USP10: variants seen among roughly 807,000 people sequenced by gnomAD.
USP10 encodes the protein ubiquitin carboxyl-terminal hydrolase 10.
USP10 carries 22 observed loss-of-function variants against 84.5 expected under a neutral mutation model. The ratio of observed to expected loss-of-function variants is 0.26; its 90% CI spans 0.19 to 0.37. The LOEUF (loss-of-function observed/expected upper bound fraction) is 0.37. Ranked by LOEUF, USP10 falls within the 10% of genes least tolerant of loss-of-function variation. The probability of loss-of-function intolerance (pLI) is 1.00; values close to 1 mark genes in which losing one functional copy is unlikely to be tolerated. For synonymous variants in USP10, 454 were observed against 387.6 expected (o/e 1.17, Z -2.01); for missense variants, 1,019 against 998.9 (o/e 1.02, Z -0.27).
chr16:84,777,457 C>T (rs1056187654), intron 13 of USP10, among the ~76,000 whole-genome samples: 2 of 152,216 alleles, frequency 1.3e-5, no homozygotes, highest in African/African-American at 4.8e-5. Context: ...GGACATGCTG[C>T]TGTCATGGGT....
chr16:84,714,688 A>G (rs1484863500), intron 1 of USP10, among the ~76,000 whole-genome samples: 8 of 152,058 alleles, frequency 5.3e-5, no homozygotes, highest in Non-Finnish European at 1.5e-5. Flanking sequence ...TTACTTGTGA[A>G]TTTATCTTAT....
chr16:84,779,320 C>T lies in USP10; in HGVS notation c.*238C>T, dbSNP rs187725107. 386 of 388,150 alleles carry T rather than the reference C, an allele frequency of 9.9e-4. 2 individuals are homozygous for T. The highest frequency in any genetic ancestry group is 1.9e-4 in the Non-Finnish European group (42 of 217,096). 24.0% of individuals were successfully genotyped at this position (388,150 alleles called of 1,614,324 possible). A position where few individuals can be genotyped will look rare whatever the true frequency, so the allele number is the denominator to read the frequency against. On this transcript the variant is annotated 3_prime_UTR_variant, in exon 14 of 14. Transcript: ENST00000219473. ...CTGTTGCTTGATTTTAGAAAATACA[C>T]AAAAACCCATATTTCTGAAATAATG...
At chr16:84,764,664 C>G (rs551137449) in intron 10 of USP10, among the ~76,000 whole-genome samples, 2 of 152,174 alleles carry the variant, frequency 1.3e-5, no homozygotes, top group Admixed American at 6.5e-5. Flanking sequence ...AACCCCGTCT[C>G]TACTAAAAAT....
intron 4 of USP10, among the ~76,000 whole-genome samples, chr16:84,749,533 A>G (rs1239333307): frequency 2.6e-5 from 4 of 151,894 alleles, no homozygotes; most frequent in Non-Finnish European, 5.9e-5. Context: ...TGAGCCCGGG[A>G]GTTCGAGGCC....
chr16:84,702,919 G>T (rs1905072538), intron 1 of USP10, among the ~76,000 whole-genome samples: 1 of 147,560 alleles, frequency 6.8e-6, no homozygotes, highest in Non-Finnish European at 1.5e-5. Context: ...CTTGAACCCG[G>T]GAGGCGGAGG....
chr16:84,745,987 A>T (rs527481423), intron 4 of USP10, among the ~76,000 whole-genome samples: 4 of 152,164 alleles, frequency 2.6e-5, no homozygotes, highest in African/African-American at 9.7e-5. Context: ...TGTATAATGG[A>T]CTTTTTCTGT....
chr16:84,736,847 G>A (rs1567614301), intron 2 of USP10, among the ~76,000 whole-genome samples: 1 of 152,166 alleles, frequency 6.6e-6, no homozygotes, highest in Non-Finnish European at 1.5e-5. Context: ...GGACTGCAGG[G>A]GCGTGATCTC....
intron 12 of USP10, 124 bp from the exon 13 acceptor site, chr16:84,775,036 G>A (rs1914852422): frequency 1.2e-5 from 10 of 806,498 alleles, no homozygotes; most frequent in Non-Finnish European, 2.1e-5. Context: ...GGGATAGAGT[G>A]TTGTTTTGTT....
At chr16:84,720,942 G>A (rs930585908) in intron 1 of USP10, among the ~76,000 whole-genome samples, 1 of 148,050 alleles carries the variant, frequency 6.8e-6, no homozygotes, top group Non-Finnish European at 1.5e-5. Context: ...TGCCCAGGCT[G>A]GAGTGCAGTG....
At chr16:84,704,767 A>G in intron 1 of USP10, 22 of 1,535,234 alleles carry the variant, frequency 1.4e-5, no homozygotes, top group Non-Finnish European at 1.9e-5. Context: ...CATTTTCATC[A>G]GATGACTTGA....
rs1346157627 is a variant in USP10, at chr16:84,768,260, G to T, written c.1900G>T (p.Asp634Tyr). 1.2e-6 allele frequency: 2 copies of T among 1,605,528 alleles called. No homozygotes were observed. Among genetic ancestry groups the T allele is most frequent in the African/African-American group, 1.3e-5 (1 of 74,816 alleles). Residue 634 changes from aspartate to tyrosine, a missense_variant, in exon 11 of 14, where the codon GAT becomes TAT. Coordinates refer to ENST00000219473, the MANE Select transcript of USP10 (RefSeq NM_005153.3). Reference sequence around the variant, plus strand: ...GCAGCCATTTTTCACGTTGCAGTTGGATATCCAGTCAGACAAGATACGCAC... The same window carrying T: ...GCAGCCATTTTTCACGTTGCAGTTGTATATCCAGTCAGACAAGATACGCAC... ...TLQPFFTLQL[D>Y]IQSDKIRTVQ...
At chr16:84,730,226 A>G (rs1012447842) in intron 1 of USP10, among the ~76,000 whole-genome samples, 3 of 152,210 alleles carry the variant, frequency 2.0e-5, no homozygotes, top group African/African-American at 7.2e-5. Context: ...ACAAATATCT[A>G]TATTATTAAC....
At chr16:84,733,078 G>A in intron 1 of USP10, 2 of 462,178 alleles carry the variant, frequency 4.3e-6, no homozygotes, top group Non-Finnish European at 8.7e-6. Flanking sequence ...AAGCGGAAAT[G>A]GAGGTAGTGG....
chr16:84,740,250 G>A (rs1462295959), intron 2 of USP10, 59 bp from the exon 3 acceptor site: 2 of 1,476,056 alleles, frequency 1.4e-6, no homozygotes, highest in South Asian at 1.2e-5. Flanking sequence ...TAATTAAATG[G>A]TAAGCGTTGG....
At position 84,775,110 on chromosome 16, in the gene USP10, C is replaced by T. The variant is rs572173130; in HGVS notation, c.2144-50C>T. On this transcript the variant is annotated intron_variant, in intron 12 of 13. Coordinates refer to ENST00000219473, the MANE Select transcript of USP10 (RefSeq NM_005153.3). The stretch of plus-strand genomic sequence containing the variant: ...TGTTAGCCATTTTCTGCTGCTGTTA[C>T]CCTGAACCTTTCTAAAAGTGCTTCA... 1.7e-4 allele frequency: 262 copies of T among 1,551,732 alleles called. 5 individuals carry two copies. In the South Asian group the frequency reaches 2.5e-3, roughly 15 times the overall value.
chr16:84,715,176 C>T (rs960724247), intron 1 of USP10, among the ~76,000 whole-genome samples: 2 of 152,064 alleles, frequency 1.3e-5, no homozygotes, highest in Non-Finnish European at 2.9e-5. Context: ...GTGATCTGCC[C>T]GCCTAGGCCT....
At chr16:84,733,296 A>G (rs1364985449) in intron 1 of USP10, 139 bp from the exon 2 acceptor site, 2 of 656,288 alleles carry the variant, frequency 3.0e-6, no homozygotes, top group African/African-American at 3.7e-5. Flanking sequence ...TGAGTTGCAG[A>G]TCCTCTGTTT....
At position 84,721,973 on chromosome 16, in the gene USP10, G is replaced by A. The variant is rs1158862655; in HGVS notation, c.22-11462G>A. Among the ~76,000 whole-genome samples, 3 of 152,210 alleles carry A rather than the reference G, an allele frequency of 2.0e-5. No homozygotes were observed. In the East Asian group the frequency reaches 5.8e-4, roughly 29 times the overall value. On this transcript the variant is annotated intron_variant, in intron 1 of 13. Coordinates refer to ENST00000219473, the MANE Select transcript of USP10 (RefSeq NM_005153.3). Reference sequence around the variant, plus strand: ...GCCTCCCAAAGTGCTGGAATTACAGGCTGGGAGCCATCACGCCCAGCCCAG... The same window carrying A: ...GCCTCCCAAAGTGCTGGAATTACAGACTGGGAGCCATCACGCCCAGCCCAG...
At chr16:84,732,039 A>G (rs537773975) in intron 1 of USP10, among the ~76,000 whole-genome samples, 1 of 152,332 alleles carries the variant, frequency 6.6e-6, no homozygotes, top group South Asian at 2.1e-4. Context: ...TTGCAAGTAT[A>G]TGTAAATATT....
Sources: gnomAD v4.1 joint callset for allele counts (sites outside exome capture counted in the v4.1 genomes callset) on GRCh38, gnomAD v4.1.1 for gene constraint, MANE v1.5 for transcripts, NCBI Gene and HGNC (gene_info 2026-07-23, HGNC 2026-07-21) for gene names.